MYH8: variants seen among roughly 807,000 people sequenced by gnomAD.
MYH8 encodes myosin heavy chain 8.
Under a neutral mutation model 233.2 loss-of-function variants are expected in MYH8, and 168 were observed. The observed-to-expected ratio is 0.72, with a 90% CI of 0.64 to 0.82. The LOEUF (loss-of-function observed/expected upper bound fraction) is 0.82. Among genes scored for constraint, MYH8 ranks in the 40% least tolerant of loss-of-function variants. The pLI, the probability that MYH8 is intolerant of heterozygous loss-of-function variation, is 0.00. For synonymous variants in MYH8, 785 were observed against 850.6 expected (o/e 0.92, Z 1.34); for missense variants, 1,995 against 2,327.8 (o/e 0.86, Z 2.94).
Position 10,398,279 on chromosome 17 carries a change from G to T in MYH8, c.4178+165C>A, listed in dbSNP as rs79843528. 9.1e-4 allele frequency among the ~76,000 whole-genome samples: 138 copies of T among 152,204 alleles called. 2 individuals are homozygous for T. In the East Asian group the frequency reaches 0.024, roughly 27 times the overall value. ...AGAATAATGATACCAATATAATATT[G>T]TTATGAAGGTAAATAAGCTGATATA... is the stretch of plus-strand genomic sequence containing the variant. On this transcript the variant is annotated intron_variant, in intron 30 of 39. Coordinates refer to ENST00000403437, the MANE Select transcript of MYH8 (RefSeq NM_002472.3).
intron 39 of MYH8, among the ~76,000 whole-genome samples, chr17:10,391,035 T>C (rs903642093): frequency 2.0e-5 from 3 of 152,240 alleles, no homozygotes; most frequent in African/African-American, 7.2e-5. Context: ...TGCCTCTCCC[T>C]TTTTTCTTTC....
At chr17:10,411,067 A>C in intron 14 of MYH8, 120 bp from the exon 15 acceptor site, 1 of 1,531,304 alleles carries the variant, frequency 6.5e-7, no homozygotes, top group Non-Finnish European at 8.9e-7. Context: ...AGTTAAAACT[A>C]ACGTTGCTCC....
At chr17:10,401,898 GA>G in intron 22 of MYH8, 113 bp from the exon 23 acceptor site, 2 of 1,396,126 alleles carry the variant, frequency 1.4e-6, no homozygotes, top group Non-Finnish European at 2.0e-6. Flanking sequence ...TTTTCAGTAT[GA>G]ATATAAATTT....
Position 10,394,433 on chromosome 17 carries a change from T to C in MYH8, c.4982A>G (p.Asp1661Gly). ...GILKETQLHL[D>G]DALRGQEDLK... ...GTCCTCCTGGCCCCGGAGAGCATCATCCAGGTGGAGCTGGGTTTCCTAATA... is the reference window on the plus strand; with the variant it reads ...GTCCTCCTGGCCCCGGAGAGCATCACCCAGGTGGAGCTGGGTTTCCTAATA... The change falls in exon 35 of 40, where the codon GAT becomes GGT. Residue 1661 changes from aspartate to glycine, a missense_variant. This residue lies in a region of MYH8 where 1,498 missense variants were observed against 1,680.9 expected (regional missense o/e 0.89). Transcript: ENST00000403437. The C allele has an allele frequency of 6.2e-7, 1 of 1,614,172 alleles. No homozygotes were observed. Among genetic ancestry groups the C allele is most frequent in the Non-Finnish European group, 8.5e-7 (1 of 1,180,042 alleles).
At chr17:10,414,137 T>G (rs923766288) in intron 11 of MYH8, 55 bp downstream of exon 11, 1 of 1,605,516 alleles carries the variant, frequency 6.2e-7, no homozygotes, top group Non-Finnish European at 8.5e-7. Flanking sequence ...TACAGTAGTT[T>G]GCTATTGTCA....
chr17:10,391,921 C>T lies in MYH8; in HGVS notation c.5625G>A (p.Gln1875=). ...LRLQDLVDKL[Q]AKVKSYKRQA... is the part of the protein sequence containing the mutation. ...GTCTCTTGTATGATTTCACCTTCGC[C>T]TGTAATTTATCTACCAAGTCCTGCA... Residue 1875 remains glutamine, a synonymous_variant, in exon 39 of 40, where the codon CAG becomes CAA. Coordinates refer to ENST00000403437, the MANE Select transcript of MYH8 (RefSeq NM_002472.3). 1 of 1,614,128 alleles carries T rather than the reference C, an allele frequency of 6.2e-7. No individual in the cohort carries two copies. Among genetic ancestry groups the T allele is most frequent in the South Asian group, 1.1e-5 (1 of 91,082 alleles).
chr17:10,391,865 G>C lies in MYH8; in HGVS notation c.5664+17C>G. 2 of 1,600,246 alleles carry C rather than the reference G, an allele frequency of 1.2e-6. No homozygotes were observed. Among genetic ancestry groups the C allele is most frequent in the Non-Finnish European group, 1.7e-6 (2 of 1,167,552 alleles). Reference sequence around the variant, plus strand: ...AAAGAAATTTCCTTCTTTCCTCAAGGGCTTAAAGATACTTACAGCCTCCTC... The same window carrying C: ...AAAGAAATTTCCTTCTTTCCTCAAGCGCTTAAAGATACTTACAGCCTCCTC... On this transcript the variant is annotated intron_variant, in intron 39 of 39. Coordinates refer to ENST00000403437, the MANE Select transcript of MYH8 (RefSeq NM_002472.3).
chr17:10,392,710 T>C (rs2072038540), intron 37 of MYH8, 64 bp from the exon 38 acceptor site: 1 of 1,612,384 alleles, frequency 6.2e-7, no homozygotes, highest in Non-Finnish European at 8.5e-7. Flanking sequence ...CAAGACCTAC[T>C]GAAGGCATGG....
Position 10,406,308 on chromosome 17 carries a change from A to G in MYH8, c.2261T>C (p.Ile754Thr). 2 of 1,613,894 alleles carry G rather than the reference A, an allele frequency of 1.2e-6. No homozygotes were observed. Among genetic ancestry groups the G allele is most frequent in the Non-Finnish European group, 1.7e-6 (2 of 1,179,770 alleles). The change falls in exon 20 of 40, where the codon ATT becomes ACT. Residue 754 changes from isoleucine (I) to threonine (T), a missense_variant. Physicochemically the swap from Ile to Thr is moderately conservative, Grantham distance 89. Transcript: ENST00000403437. The stretch of plus-strand genomic sequence containing the variant: ...TCCAAATTTATATTGAGTATGATCA[A>G]TATCAATAGATGCAAGAAGTTTCTC... Reference protein sequence around the residue: ...ASEKLLASIDIDHTQYKFGHT... With the variant: ...ASEKLLASIDTDHTQYKFGHT...
rs368839272 is a variant in MYH8, at chr17:10,400,441, C to G, written c.3684G>C (p.Lys1228Asn). Reference protein sequence around the residue: ...QKLEKEKSELKMETDDLSSNA... With the variant: ...QKLEKEKSELNMETDDLSSNA... ...TACTGCTGAGGTCATCAGTCTCCAT[C>G]TTCAGCTCACTCTTCTCCTTCTCCA... is the stretch of plus-strand genomic sequence containing the variant. Residue 1228 changes from lysine (K) to asparagine (N), a missense_variant, in exon 27 of 40, where the codon AAG (lysine) becomes AAC (asparagine). Coordinates refer to ENST00000403437, the MANE Select transcript of MYH8 (RefSeq NM_002472.3). This position sits in a 1 kb window ranked among gnomAD's most constrained non-coding sequence, Gnocchi z 4.0. The G allele has an allele frequency of 1.7e-5, 28 of 1,613,998 alleles. No individual in the cohort carries two copies. In the African/African-American group the frequency reaches 2.4e-4, roughly 14 times the overall value.
At chr17:10,395,543 T>A (rs1026303489) in intron 33 of MYH8, 102 bp from the exon 34 acceptor site, 1 of 1,201,880 alleles carries the variant, frequency 8.3e-7, no homozygotes, top group Admixed American at 1.9e-5. Context: ...TGTCTAATTT[T>A]ACAAAGTATA....
rs560894544 is a variant in MYH8, at chr17:10,417,840, C to T, written c.511+805G>A. On this transcript the variant is annotated intron_variant, in intron 5 of 39. Transcript: ENST00000403437. The surrounding 1 kb of genome is among the most constrained non-coding windows in gnomAD (Gnocchi z 4.1). ...ATTCCTTCCTCTTTATTCTCCCCCTCGAAAAGACAATTTAAAAACAAGTGC... is the reference window on the plus strand; with the variant it reads ...ATTCCTTCCTCTTTATTCTCCCCCTTGAAAAGACAATTTAAAAACAAGTGC... Among the ~76,000 whole-genome samples the T allele has an allele frequency of 4.6e-5, 7 of 152,014 alleles. No individual in the cohort carries two copies. The highest frequency in any genetic ancestry group is 4.2e-4 in the South Asian group (2 of 4,806).
At chr17:10,395,608 C>T (rs184802955) in intron 33 of MYH8, among the ~76,000 whole-genome samples, 167 bp from the exon 34 acceptor site, 11 of 152,092 alleles carry the variant, frequency 7.2e-5, no homozygotes, top group African/African-American at 2.7e-4. Context: ...TATTTAGTGA[C>T]AGATTATATA....
rs963984269 is a variant in MYH8 at position 10,417,702 on chromosome 17, G to A, written c.511+943C>T. 3.9e-5 allele frequency among the ~76,000 whole-genome samples: 6 copies of A among 152,188 alleles called. No individual in the cohort carries two copies. The highest frequency in any genetic ancestry group is 1.9e-4 in the East Asian group (1 of 5,196). On this transcript the variant is annotated intron_variant, in intron 5 of 39. Transcript: ENST00000403437. The surrounding 1 kb of genome is among the most constrained non-coding windows in gnomAD (Gnocchi z 4.1). The stretch of plus-strand genomic sequence containing the variant: ...ATTAAAACCTCTGAAATGAGCCAGC[G>A]TTTGGATAATTTCTGGGAGGTAGTT...
At chr17:10,393,038 G>C (rs774984611) in intron 36 of MYH8, 37 bp from the exon 37 acceptor site, 3 of 1,614,216 alleles carry the variant, frequency 1.9e-6, no homozygotes, top group Non-Finnish European at 2.5e-6. Flanking sequence ...AATGAAACTT[G>C]ATGATAGCAG....
chr17:10,392,098 G>C lies in MYH8; in HGVS notation c.5569-121C>G, dbSNP rs2072031542. 3.7e-6 allele frequency: 3 copies of C among 808,846 alleles called. No homozygotes were observed. In the Admixed American group the frequency reaches 5.3e-5, roughly 14 times the overall value. 50.1% of individuals were successfully genotyped at this position (808,846 alleles called of 1,614,324 possible). A position where few individuals can be genotyped will look rare whatever the true frequency, so the allele number is the denominator to read the frequency against. On this transcript the variant is annotated intron_variant, in intron 38 of 39. Transcript: ENST00000403437. ...CTGGGGTAAACTTGATCAACTCTGA[G>C]ATTTTCTTCATAGAATTAACAGTAG...
chr17:10,394,966 A>G (rs1483119046), intron 34 of MYH8, among the ~76,000 whole-genome samples, 167 bp downstream of exon 34: 2 of 152,126 alleles, frequency 1.3e-5, no homozygotes, highest in Non-Finnish European at 2.9e-5. Context: ...TCTACATAAC[A>G]TTTTCTTAAA....
At chr17:10,392,285 C>T (rs1409707991) in intron 38 of MYH8, among the ~76,000 whole-genome samples, 2 of 149,740 alleles carry the variant, frequency 1.3e-5, no homozygotes, top group Admixed American at 1.3e-4. Flanking sequence ...GCAAGAGAGG[C>T]CAAACTAGGA....
chr17:10,409,197 A>G (rs748262826), intron 16 of MYH8, 33 bp from the exon 17 acceptor site: 45 of 1,613,588 alleles, frequency 2.8e-5, no homozygotes, highest in Non-Finnish European at 3.6e-5. Context: ...GAATAAGAAT[A>G]GAATACCAGA....
Sources: allele counts gnomAD v4.1 joint callset (sites outside exome capture counted in the v4.1 genomes callset), GRCh38; gene constraint gnomAD v4.1.1; regional missense constraint gnomAD v4.1.1; non-coding constraint Gnocchi (gnomAD v3.1); transcripts MANE v1.5; gene names NCBI Gene and HGNC (gene_info 2026-07-23, HGNC 2026-07-21).